The following CPNE1 variants were observed in gnomAD, a reference collection of about 807,000 sequenced individuals.
The protein encoded by CPNE1 is copine-1.
A neutral mutation model predicts 63.2 loss-of-function variants in CPNE1; 58 were observed. The ratio of observed to expected loss-of-function variants is 0.92; its 90% CI spans 0.74 to 1.14. The LOEUF is 1.14. Ranked by LOEUF, CPNE1 falls within the 50% of genes most tolerant of loss-of-function variation. CPNE1 has a pLI of 0.00. For synonymous variants in CPNE1, 237 were observed against 249.0 expected, an observed-to-expected ratio of 0.95 and a Z score of 0.45; for missense variants, 672 against 661.7, an observed-to-expected ratio of 1.02 and a Z score of -0.17.
chr20:35,631,212 G>C, intron 9 of CPNE1, 39 bp from the exon 10 acceptor site: 9 of 1,613,454 alleles, frequency 5.6e-6, no homozygotes, highest in Non-Finnish European at 7.6e-6. Flanking sequence ...GGTGATAGCA[G>C]TTGGTGTCAT....
intron 1 of CPNE1, among the ~76,000 whole-genome samples, chr20:35,657,497 ACAAT>A (rs1397582837): frequency 1.3e-5 from 2 of 152,234 alleles, no homozygotes; most frequent in Non-Finnish European, 2.9e-5. Flanking sequence ...TTGCACTGGG[ACAAT>A]CAAACAGAAA....
intron 1 of CPNE1, chr20:35,658,829 A>T (rs2034063254): frequency 3.2e-6 from 2 of 627,788 alleles, no homozygotes; most frequent in Non-Finnish European, 5.9e-6. Flanking sequence ...ACACACACAC[A>T]CACACACACA....
intron 1 of CPNE1, chr20:35,658,800 A>AAC (rs759993059): frequency 1.2e-5 from 6 of 481,518 alleles, no homozygotes; most frequent in South Asian, 1.2e-4. Context: ...CAAGCAAACA[A>AAC]AAACACACAC....
chr20:35,661,006 C>A (rs974069279), intron 1 of CPNE1, among the ~76,000 whole-genome samples: 1 of 152,220 alleles, frequency 6.6e-6, no homozygotes, highest in East Asian at 1.9e-4. Context: ...AAAGGCCCAG[C>A]TGAATTTGAC....
Position 35,626,377 on chromosome 20 carries a change from G to A in CPNE1, c.1478C>T (p.Pro493Leu). 1 of 1,613,940 alleles carries A rather than the reference G, an allele frequency of 6.2e-7. No individual in the cohort carries two copies. The highest frequency in any genetic ancestry group is 1.1e-5 in the South Asian group (1 of 91,072). Reference sequence around the variant, plus strand: ...CACGGTCTGTGCCAATGCCTCCCGAGGGGCCTGCCAAGAAAAGGGAAAAGT... The same window carrying A: ...CACGGTCTGTGCCAATGCCTCCCGAAGGGCCTGCCAAGAAAAGGGAAAAGT... ...FVPYRRFQNAPREALAQTVLA... is the reference protein window; with the variant it reads ...FVPYRRFQNALREALAQTVLA... Residue 493 changes from proline to leucine, a missense_variant, in exon 16 of 16, where the codon CCT (proline) becomes CTT (leucine). Pro to Leu is a moderately conservative substitution (Grantham distance 98). Coordinates refer to ENST00000397443, the MANE Select transcript of CPNE1 (RefSeq NM_152925.3).
chr20:35,654,151 A>G (rs149015741), intron 1 of CPNE1: 2 of 1,614,208 alleles, frequency 1.2e-6, no homozygotes, highest in Non-Finnish European at 8.5e-7. Flanking sequence ...ATTTTGCTTA[A>G]AAGTGATATG....
chr20:35,641,571 T>TA (rs2032812035), intron 1 of CPNE1, among the ~76,000 whole-genome samples: 1 of 152,232 alleles, frequency 6.6e-6, no homozygotes, highest in Non-Finnish European at 1.5e-5. Context: ...TTTCTGAAGA[T>TA]TAATATAAAT....
rs774771647 is a variant in CPNE1, at chr20:35,632,970, C to T, written c.1-47G>A. 3 of 843,358 alleles carry T rather than the reference C, an allele frequency of 3.6e-6. No individual in the cohort carries two copies. The South Asian group carries it at 4.2e-5, about 12-fold the overall frequency. 52.2% of individuals were successfully genotyped at this position (843,358 alleles called of 1,614,324 possible). A position where few individuals can be genotyped will look rare whatever the true frequency, so the allele number is the denominator to read the frequency against. ...CAAGCACCAGGGAGCCTTCTCTCCC[C>T]TTCCCCGACTACAGGTCCCAGCTTG... On this transcript the variant is annotated intron_variant, in intron 1 of 15. Coordinates refer to ENST00000397443, the MANE Select transcript of CPNE1 (RefSeq NM_152925.3).
chr20:35,639,749 G>A (rs2032698582), intron 1 of CPNE1, among the ~76,000 whole-genome samples: 2 of 152,210 alleles, frequency 1.3e-5, no homozygotes, highest in African/African-American at 4.8e-5. Flanking sequence ...GCCACAACTG[G>A]AGCTGCTGTC....
intron 1 of CPNE1, chr20:35,647,450 G>T (rs2033191865): frequency 6.6e-6 from 1 of 152,016 alleles, no homozygotes; most frequent in South Asian, 2.1e-4. Context: ...ATTTTCACTG[G>T]AAGGAGGTCC....
Position 35,632,634 on chromosome 20 carries a change from A to G in CPNE1, c.192T>C (p.Leu64=). The part of the protein sequence containing the change: ...SSPEFSKTLQ[L]EYRFETVQKL... ...TCTGGACTGTCTCAAAGCGGTACTC[A>G]AGCTGTAGAGTCTTGGAGAACTCAG... Residue 64 remains leucine, a synonymous_variant, in exon 3 of 16, where the codon CTT becomes CTC. Transcript: ENST00000397443. The G allele has an allele frequency of 1.3e-6, 2 of 1,516,692 alleles. No homozygotes were observed. Among genetic ancestry groups the G allele is most frequent in the Non-Finnish European group, 1.8e-6 (2 of 1,091,088 alleles). 94.0% of individuals were successfully genotyped at this position (1,516,692 alleles called of 1,614,324 possible). A position where few individuals can be genotyped will look rare whatever the true frequency, so the allele number is the denominator to read the frequency against.
intron 1 of CPNE1, chr20:35,655,012 C>T (rs1460035818): frequency 6.2e-7 from 1 of 1,614,180 alleles, no homozygotes; most frequent in South Asian, 1.1e-5. Flanking sequence ...TGGTCCTGAT[C>T]TACTGGCATT....
At chr20:35,664,231 C>CA in intron 1 of CPNE1, 1 of 152,412 alleles carries the variant, frequency 6.6e-6, no homozygotes, top group Non-Finnish European at 1.5e-5. Context: ...TTTCTGAACT[C>CA]ACAGGAGTGT....
At chr20:35,634,698 C>G (rs927943145) in intron 1 of CPNE1, among the ~76,000 whole-genome samples, 1 of 152,108 alleles carries the variant, frequency 6.6e-6, no homozygotes, top group South Asian at 2.1e-4. Context: ...CTCTTGCTCA[C>G]TCCATTTCAG....
chr20:35,647,797 G>A (rs778641875), intron 1 of CPNE1, among the ~76,000 whole-genome samples: 18 of 151,466 alleles, frequency 1.2e-4, no homozygotes, highest in Non-Finnish European at 2.2e-4. Flanking sequence ...GCTCACGCCT[G>A]TAATCCCAGC....
chr20:35,648,608 T>G (rs746167507), intron 1 of CPNE1, among the ~76,000 whole-genome samples: 15 of 152,200 alleles, frequency 9.9e-5, no homozygotes, highest in Non-Finnish European at 1.9e-4. Context: ...ACACTGGGTA[T>G]CCAAATTCTA....
chr20:35,659,138 C>CAAAA (rs370328377), intron 1 of CPNE1: 5 of 272,324 alleles, frequency 1.8e-5, no homozygotes, highest in South Asian at 1.7e-4. Flanking sequence ...GAATGCATAT[C>CAAAA]AAAAAAAAAA....
At chr20:35,655,202 C>G in intron 1 of CPNE1, 1 of 1,614,132 alleles carries the variant, frequency 6.2e-7, no homozygotes, top group Non-Finnish European at 8.5e-7. Flanking sequence ...AAAGCCTCAC[C>G]CAGTTCACCC....
At chr20:35,658,889 T>C in intron 1 of CPNE1, 1 of 710,920 alleles carries the variant, frequency 1.4e-6, no homozygotes, top group Non-Finnish European at 2.6e-6. Context: ...TATCTCATTT[T>C]ATTTTGTATA....
Sources: gnomAD v4.1 joint callset for allele counts (sites outside exome capture counted in the v4.1 genomes callset) on GRCh38, gnomAD v4.1.1 for gene constraint, MANE v1.5 for transcripts, NCBI Gene and HGNC (gene_info 2026-07-23, HGNC 2026-07-21) for gene names.